The following MERTK variants were observed in gnomAD, a reference collection of about 807,000 sequenced individuals.
MERTK encodes MER proto-oncogene, tyrosine kinase, also known as tyrosine-protein kinase Mer.
MERTK carries 69 observed loss-of-function variants against 99.3 expected under a neutral mutation model. The ratio of observed to expected loss-of-function variants is 0.70; its 90% CI spans 0.57 to 0.85. The LOEUF is 0.85. MERTK is among the 40% of genes least tolerant of loss of function. The pLI, the probability that MERTK is intolerant of heterozygous loss-of-function variation, is 0.00. For synonymous variants in MERTK, 426 were observed against 467.6 expected, an observed-to-expected ratio of 0.91 and a Z score of 1.15; for missense variants, 1,125 against 1,249.4, an observed-to-expected ratio of 0.90 and a Z score of 1.50.
At position 112,010,110 on chromosome 2, in the gene MERTK, A is replaced by T. The variant is rs756955103; in HGVS notation, c.2079+44A>T. On this transcript the variant is annotated intron_variant, in intron 15 of 18. Coordinates refer to ENST00000295408, the MANE Select transcript of MERTK (RefSeq NM_006343.3). Reference sequence around the variant, plus strand: ...TACCCCTGAACACTTCTCAGGGCTTATGTGACTTAGCCAGGACAACCAAAT... The same window carrying T: ...TACCCCTGAACACTTCTCAGGGCTTTTGTGACTTAGCCAGGACAACCAAAT... The T allele has an allele frequency of 2.9e-6, 4 of 1,381,436 alleles. No individual in the cohort carries two copies. In the East Asian group the frequency reaches 9.2e-5, roughly 32 times the overall value. The allele number at this position is 1,381,436 out of a possible 1,614,324, so 85.6% of individuals were successfully genotyped here. A position where few individuals can be genotyped will look rare whatever the true frequency, so the allele number is the denominator to read the frequency against.
chr2:111,920,049 T>G (rs908518), intron 1 of MERTK, among the ~76,000 whole-genome samples: 1 of 151,944 alleles, frequency 6.6e-6, no homozygotes, highest in Non-Finnish European at 1.5e-5. Flanking sequence ...ATGAAATCCC[T>G]AGTGCTGTGG....
In MERTK at chr2:111,898,730, C is replaced by A. The variant is rs765617762; in HGVS notation, c.-6C>A. 1 of 1,606,162 alleles carries A rather than the reference C, an allele frequency of 6.2e-7. No individual in the cohort carries two copies. Among genetic ancestry groups the A allele is most frequent in the Admixed American group, 1.7e-5 (1 of 59,360 alleles). ...CGGAGAGAAATTACAGATCCGCAGC[C>A]CCGGGATGGGGCCGGCCCCGCTGCC... On this transcript the variant is annotated 5_prime_UTR_variant, in exon 1 of 19. Coordinates refer to ENST00000295408, the MANE Select transcript of MERTK (RefSeq NM_006343.3).
At chr2:112,017,049 G>C (rs1458983255) in intron 15 of MERTK, among the ~76,000 whole-genome samples, 2 of 152,206 alleles carry the variant, frequency 1.3e-5, no homozygotes, top group African/African-American at 4.8e-5. Flanking sequence ...AGCTTCTACA[G>C]TGTGGAAGGG....
At position 111,944,461 on chromosome 2, in the gene MERTK, AT is replaced by A. The variant is rs547861576; in HGVS notation, c.483-497del. ...TAAGGAATTTTCCTTAGTTCCTTAA[AT>A]TAACTCCTAAATTATTTATTAATTC... On this transcript the variant is annotated intron_variant, in intron 2 of 18. Transcript: ENST00000295408. 4.0e-3 allele frequency among the ~76,000 whole-genome samples: 611 copies of A among 152,164 alleles called. 10 individuals are homozygous for A. The highest frequency in any genetic ancestry group is 0.014 in the African/African-American group (592 of 41,356).
intron 1 of MERTK, among the ~76,000 whole-genome samples, chr2:111,916,316 C>G (rs1684348819): frequency 6.6e-6 from 1 of 152,128 alleles, no homozygotes; most frequent in Non-Finnish European, 1.5e-5. Flanking sequence ...TTTAGCCTTG[C>G]TTTCTTTCTC....
chr2:112,020,518 T>C, intron 16 of MERTK: 7 of 463,364 alleles, frequency 1.5e-5, no homozygotes, highest in Non-Finnish European at 3.1e-5. Flanking sequence ...TCTTCTCCTC[T>C]TCCTTCTTCT....
At chr2:111,900,174 TAAGTTACTTAA>T (rs1209122505) in intron 1 of MERTK, among the ~76,000 whole-genome samples, 1 of 152,198 alleles carries the variant, frequency 6.6e-6, no homozygotes. Flanking sequence ...TATAGTCAAG[TAAGTTACTTAA>T]AAGTTTTTCC....
At chr2:111,909,257 G>C (rs2104663985) in intron 1 of MERTK, among the ~76,000 whole-genome samples, 1 of 152,300 alleles carries the variant, frequency 6.6e-6, no homozygotes, top group African/African-American at 2.4e-5. Context: ...GCACTGAGTG[G>C]TTAAGTTAAA....
chr2:111,951,226 T>C (rs1685048825), intron 4 of MERTK, among the ~76,000 whole-genome samples: 3 of 152,024 alleles, frequency 2.0e-5, no homozygotes, highest in Admixed American at 2.0e-4. Flanking sequence ...TCCAGTATAC[T>C]GTGCAATTTT....
At chr2:111,950,562 G>T (rs1440223629) in intron 4 of MERTK, among the ~76,000 whole-genome samples, 1 of 152,190 alleles carries the variant, frequency 6.6e-6, no homozygotes, top group Admixed American at 6.5e-5. Context: ...ACCAACATTT[G>T]ATTTGGTCAG....
At chr2:112,022,918 C>T (rs1677386242) in intron 18 of MERTK, among the ~76,000 whole-genome samples, 1 of 152,238 alleles carries the variant, frequency 6.6e-6, no homozygotes, top group South Asian at 2.1e-4. Context: ...AATACGATTC[C>T]TCGGCCCTGT....
chr2:111,919,697 C>T lies in MERTK; in HGVS notation c.62-9423C>T, dbSNP rs148575802. 5.4e-3 allele frequency among the ~76,000 whole-genome samples: 814 copies of T among 151,964 alleles called. 9 individuals carry two copies. Among genetic ancestry groups the T allele is most frequent in the African/African-American group, 0.019 (784 of 41,468 alleles). ...GGATGATGAGAGGGTACCTAAAGCC[C>T]TTTGGGGCCCTTGGGGCTTGCCCTG... On this transcript the variant is annotated intron_variant, in intron 1 of 18. Transcript: ENST00000295408.
chr2:111,905,556 C>G (rs1273346075), intron 1 of MERTK, among the ~76,000 whole-genome samples: 1 of 149,420 alleles, frequency 6.7e-6, no homozygotes, highest in Non-Finnish European at 1.5e-5. Context: ...AGGGTTCAAC[C>G]TCCTGGGTTC....
rs1467489036 is a variant in MERTK, at chr2:112,028,787, C to CTGCCCTTGGGAAGCTCAT, written c.2929_2946dup (p.Leu977_Pro982dup). On this transcript the variant is annotated inframe_insertion, in exon 19 of 19. Transcript: ENST00000295408. ...GGTCTCCTGGTCCCATTCGAGCATG[C>CTGCCCTTGGGAAGCTCAT]TGCCCTTGGGAAGCTCATTGCCCGA... 2.5e-6 allele frequency: 4 copies of CTGCCCTTGGGAAGCTCAT among 1,614,024 alleles called. No individual in the cohort carries two copies. The African/African-American group carries it at 5.3e-5, about 22-fold the overall frequency.
chr2:111,957,201 G>C (rs891743517), intron 4 of MERTK, among the ~76,000 whole-genome samples: 1 of 151,870 alleles, frequency 6.6e-6, no homozygotes, highest in Non-Finnish European at 1.5e-5. Context: ...GATTACAGGT[G>C]TGAGCCACTG....
rs372849735 is a variant in MERTK at position 111,973,674 on chromosome 2, A to C, written c.961-1615A>C. 1.0e-3 allele frequency among the ~76,000 whole-genome samples: 152 copies of C among 152,260 alleles called. 1 individual carries two copies. Among genetic ancestry groups the C allele is most frequent in the African/African-American group, 3.5e-3 (147 of 41,536 alleles). On this transcript the variant is annotated intron_variant, in intron 6 of 18. Coordinates refer to ENST00000295408, the MANE Select transcript of MERTK (RefSeq NM_006343.3). Reference sequence around the variant, plus strand: ...TCAGTTGCATGTTTTACCCGATATCATTTTGTCTGTTCTGATTTTATAAGT... The same window carrying C: ...TCAGTTGCATGTTTTACCCGATATCCTTTTGTCTGTTCTGATTTTATAAGT...
intron 4 of MERTK, among the ~76,000 whole-genome samples, chr2:111,950,693 T>C (rs1001467269): frequency 6.6e-6 from 1 of 152,238 alleles, no homozygotes; most frequent in Non-Finnish European, 1.5e-5. Flanking sequence ...TTAGTGTCTC[T>C]TCTTGTGCTT....
intron 1 of MERTK, among the ~76,000 whole-genome samples, chr2:111,927,566 G>A (rs575234515): frequency 2.6e-4 from 39 of 152,234 alleles, no homozygotes; most frequent in African/African-American, 6.7e-4. Flanking sequence ...AACCTACTCG[G>A]GAGGCTGAGG....
intron 15 of MERTK, 166 bp from the exon 16 acceptor site, chr2:112,019,247 A>T: frequency 1.3e-6 from 1 of 753,160 alleles, no homozygotes; most frequent in Non-Finnish European, 2.4e-6. Flanking sequence ...ATTCCTTTTT[A>T]AAAACCTTAT....
Sources: gnomAD v4.1 joint callset for allele counts (sites outside exome capture counted in the v4.1 genomes callset) on GRCh38, gnomAD v4.1.1 for gene constraint, MANE v1.5 for transcripts, NCBI Gene and HGNC (gene_info 2026-07-23, HGNC 2026-07-21) for gene names.